The following ACSM1 variants were observed in gnomAD, a reference collection of about 807,000 sequenced individuals.
ACSM1 encodes acyl-CoA synthetase medium chain family member 1, also known as acyl-coenzyme A synthetase ACSM1, mitochondrial.
In ACSM1, 79 loss-of-function variants were observed where a neutral mutation model predicts 75.8. The observed-to-expected ratio is 1.04, with a 90% CI of 0.87 to 1.26. The LOEUF is 1.26. Ranked by LOEUF, ACSM1 falls within the 50% of genes most tolerant of loss-of-function variation. ACSM1 has a pLI of 0.00. For missense variants in ACSM1, 676 were observed against 720.1 expected, an observed-to-expected ratio of 0.94 and a Z score of 0.70; for synonymous variants, 279 against 265.8, an observed-to-expected ratio of 1.05 and a Z score of -0.48.
At chr16:20,645,357 T>C (rs2018301038) in intron 7 of ACSM1, among the ~76,000 whole-genome samples, 1 of 152,156 alleles carries the variant, frequency 6.6e-6, no homozygotes, top group African/African-American at 2.4e-5. Flanking sequence ...ATGTTCTTTT[T>C]TCAGATGGGA....
rs535141827 is a variant in ACSM1, at chr16:20,658,131, G to T, written c.992+3663C>A. ...CCTTTGGGTATATAACCAGTAATGG[G>T]ATTGCTGGGTCAAATGGTATTTCTA... On this transcript the variant is annotated intron_variant, in intron 7 of 13. Coordinates refer to ENST00000520010, the MANE Select transcript of ACSM1 (RefSeq NM_001318890.3). Among the ~76,000 whole-genome samples, 6 of 152,292 alleles carry T rather than the reference G, an allele frequency of 3.9e-5. No homozygotes were observed. In the South Asian group the frequency reaches 1.0e-3, roughly 26 times the overall value.
intron 6 of ACSM1, 90 bp from the exon 7 acceptor site, chr16:20,661,963 T>C (rs1051296279): frequency 2.7e-6 from 2 of 740,256 alleles, no homozygotes; most frequent in Non-Finnish European, 4.6e-6. Context: ...ACCTTCCCAC[T>C]AGAAGAGCCC....
At chr16:20,656,808 C>T (rs369275292) in intron 7 of ACSM1, among the ~76,000 whole-genome samples, 23 of 151,112 alleles carry the variant, frequency 1.5e-4, no homozygotes, top group African/African-American at 3.9e-4. Context: ...GGAACTATCA[C>T]GGAAGAGGTG....
intron 7 of ACSM1, among the ~76,000 whole-genome samples, chr16:20,650,381 T>C (rs2018581917): frequency 6.6e-6 from 1 of 152,126 alleles, no homozygotes; most frequent in East Asian, 1.9e-4. Context: ...ATCAGGGGAC[T>C]CGTGGGAGTG....
At chr16:20,675,200 C>G (rs1365247121) in intron 4 of ACSM1, among the ~76,000 whole-genome samples, 1 of 152,028 alleles carries the variant, frequency 6.6e-6, no homozygotes, top group Non-Finnish European at 1.5e-5. Context: ...TCTAACTAGG[C>G]TCACCCGGGA....
intron 4 of ACSM1, chr16:20,680,838 T>C (rs1378741549): frequency 1.3e-5 from 2 of 152,218 alleles, no homozygotes; most frequent in Non-Finnish European, 2.9e-5. Flanking sequence ...ATTGGATCTG[T>C]GGAGCATGGG....
chr16:20,626,477 G>T (rs1463898171), intron 11 of ACSM1, among the ~76,000 whole-genome samples: 1 of 152,048 alleles, frequency 6.6e-6, no homozygotes, highest in Non-Finnish European at 1.5e-5. Flanking sequence ...GTAGGGACAG[G>T]GACTCAGAGC....
chr16:20,691,746 C>T (rs1249365506), intron 1 of ACSM1, among the ~76,000 whole-genome samples: 1 of 142,278 alleles, frequency 7.0e-6, no homozygotes, highest in Non-Finnish European at 1.5e-5. Flanking sequence ...CATAATACCT[C>T]TCCAATGTGT....
chr16:20,671,998 C>A (rs776717108), intron 4 of ACSM1, among the ~76,000 whole-genome samples: 6 of 152,064 alleles, frequency 3.9e-5, no homozygotes, highest in Non-Finnish European at 7.3e-5. Context: ...ATGTTCCAGG[C>A]AATGCTCTCA....
intron 7 of ACSM1, among the ~76,000 whole-genome samples, chr16:20,649,541 C>A (rs2018536604): frequency 6.6e-6 from 1 of 152,088 alleles, no homozygotes; most frequent in Admixed American, 6.6e-5. Context: ...CATTTTACAA[C>A]CTGTTCTCTC....
chr16:20,635,616 CTTTCTTTCTTTCTTT>C, intron 10 of ACSM1, among the ~76,000 whole-genome samples: 1 of 104,296 alleles, frequency 9.6e-6, no homozygotes, highest in African/African-American at 3.4e-5. Flanking sequence ...TTCTTTCTTT[CTTTCTTTCTTTCTTT>C]CTTTCTTTCT....
intron 10 of ACSM1, among the ~76,000 whole-genome samples, chr16:20,629,419 T>C (rs1443451329): frequency 6.6e-6 from 1 of 151,804 alleles, no homozygotes; most frequent in African/African-American, 2.4e-5. Context: ...ATAAAGAAAA[T>C]ATCTGTAGAA....
chr16:20,677,476 C>T (rs2020359118), intron 4 of ACSM1, among the ~76,000 whole-genome samples: 1 of 152,212 alleles, frequency 6.6e-6, no homozygotes. Context: ...AACAAACTAA[C>T]TTTAGAGACT....
At chr16:20,688,434 G>C (rs1483416509) in intron 2 of ACSM1, among the ~76,000 whole-genome samples, 1 of 152,036 alleles carries the variant, frequency 6.6e-6, no homozygotes, top group South Asian at 2.1e-4. Flanking sequence ...ACAATGCATG[G>C]TAATACAAAT....
At chr16:20,626,686 A>G (rs1261563845) in intron 11 of ACSM1, among the ~76,000 whole-genome samples, 1 of 151,862 alleles carries the variant, frequency 6.6e-6, no homozygotes, top group Non-Finnish European at 1.5e-5. Context: ...CAGGTTAGCT[A>G]AATAGTTACA....
At position 20,630,706 on chromosome 16, in the gene ACSM1, C is replaced by T. The variant is rs190055900; in HGVS notation, c.1300-3390G>A. ...GACATATACAGGAAACTCCATCCAA[C>T]GGCAGAAGAACACACATTTTTCTCA... is the stretch of plus-strand genomic sequence containing the variant. On this transcript the variant is annotated intron_variant, in intron 10 of 13. Coordinates refer to ENST00000520010, the MANE Select transcript of ACSM1 (RefSeq NM_001318890.3). 4.2e-3 allele frequency among the ~76,000 whole-genome samples: 641 copies of T among 152,260 alleles called. 2 individuals are homozygous for T. Among genetic ancestry groups the T allele is most frequent in the South Asian group, 8.7e-3 (42 of 4,824 alleles).
chr16:20,625,726 G>A (rs926991535), intron 11 of ACSM1, among the ~76,000 whole-genome samples: 3 of 152,144 alleles, frequency 2.0e-5, no homozygotes, highest in Non-Finnish European at 4.4e-5. Context: ...CGGTGCTCCC[G>A]GCTTCTTGCC....
At chr16:20,635,231 C>T (rs1567251026) in intron 10 of ACSM1, among the ~76,000 whole-genome samples, 1 of 151,972 alleles carries the variant, frequency 6.6e-6, no homozygotes, top group African/African-American at 2.4e-5. Flanking sequence ...CTTATCTCTA[C>T]AAAAAATCAA....
At chr16:20,639,725 G>A (rs2017937273) in intron 8 of ACSM1, among the ~76,000 whole-genome samples, 1 of 152,122 alleles carries the variant, frequency 6.6e-6, no homozygotes, top group Admixed American at 6.5e-5. Context: ...CATGCGATGG[G>A]GCTGTGTCCC....
Sources: gnomAD v4.1 joint callset for allele counts (sites outside exome capture counted in the v4.1 genomes callset) on GRCh38, gnomAD v4.1.1 for gene constraint, MANE v1.5 for transcripts, NCBI Gene and HGNC (gene_info 2026-07-23, HGNC 2026-07-21) for gene names.